NR3C2: variants seen among roughly 807,000 people sequenced by gnomAD.
The protein encoded by NR3C2 is nuclear receptor subfamily 3 group C member 2.
In NR3C2, 15 loss-of-function variants were observed where a neutral mutation model predicts 86.4. The observed-to-expected ratio is 0.17, with a 90% CI of 0.12 to 0.27. The LOEUF (loss-of-function observed/expected upper bound fraction) is 0.27. Ranked by LOEUF, NR3C2 falls within the 10% of genes least tolerant of loss-of-function variation. The pLI is 1.00. For synonymous variants in NR3C2, 458 were observed against 450.5 expected (o/e 1.02, Z -0.21); for missense variants, 960 against 1,195.6 (o/e 0.80, Z 2.91).
intron 2 of NR3C2, among the ~76,000 whole-genome samples, chr4:148,420,814 T>C (rs147159227): frequency 6.6e-6 from 1 of 152,298 alleles, no homozygotes. Flanking sequence ...CAAAAGTGTG[T>C]AGCAGCTCCC....
chr4:148,191,123 GA>G (rs537938403), intron 4 of NR3C2, among the ~76,000 whole-genome samples: 59 of 152,096 alleles, frequency 3.9e-4, no homozygotes, highest in African/African-American at 1.4e-3. Context: ...TGTATTTCCA[GA>G]ATTTGTTTCA....
At chr4:148,138,620 G>A (rs1372483443) in intron 6 of NR3C2, among the ~76,000 whole-genome samples, 2 of 152,190 alleles carry the variant, frequency 1.3e-5, no homozygotes, top group Non-Finnish European at 2.9e-5. Flanking sequence ...CTGAGCTCAA[G>A]CAATCTGCCC....
At chr4:148,302,815 C>T (rs983720525) in intron 2 of NR3C2, among the ~76,000 whole-genome samples, 4 of 144,706 alleles carry the variant, frequency 2.8e-5, no homozygotes, top group African/African-American at 1.0e-4. Context: ...CATTGCACTC[C>T]AGCCTGGGCT....
intron 2 of NR3C2, among the ~76,000 whole-genome samples, chr4:148,402,935 G>C (rs1303494376): frequency 5.9e-5 from 9 of 151,920 alleles, no homozygotes; most frequent in Non-Finnish European, 1.5e-5. Context: ...TGGTTCCTTT[G>C]GTTTTGAGGG....
intron 6 of NR3C2, among the ~76,000 whole-genome samples, chr4:148,149,085 C>T (rs144155677): frequency 5.5e-4 from 84 of 152,140 alleles, no homozygotes; most frequent in African/African-American, 1.9e-3. Flanking sequence ...CAATTGTTTC[C>T]CCAGAATAGT....
intron 6 of NR3C2, among the ~76,000 whole-genome samples, chr4:148,129,560 C>G (rs1000968380): frequency 3.3e-5 from 5 of 152,154 alleles, no homozygotes; most frequent in African/African-American, 4.8e-5. Context: ...AAACAAGAAT[C>G]TCTACAACCC....
At chr4:148,411,455 T>C (rs1404207568) in intron 2 of NR3C2, among the ~76,000 whole-genome samples, 2 of 152,212 alleles carry the variant, frequency 1.3e-5, no homozygotes, top group Non-Finnish European at 2.9e-5. Context: ...TGTCCCTCCC[T>C]CTCCAGGGTC....
At chr4:148,335,490 G>A (rs1744434404) in intron 2 of NR3C2, among the ~76,000 whole-genome samples, 1 of 152,164 alleles carries the variant, frequency 6.6e-6, no homozygotes, top group South Asian at 2.1e-4. Context: ...AAGAACTACT[G>A]TTCAGTCTGG....
chr4:148,370,221 C>T (rs1411267060), intron 2 of NR3C2, among the ~76,000 whole-genome samples: 2 of 152,118 alleles, frequency 1.3e-5, no homozygotes, highest in African/African-American at 4.8e-5. Flanking sequence ...GCCCTAGGAG[C>T]CCCATTACTG....
intron 6 of NR3C2, 106 bp from the exon 7 acceptor site, chr4:148,120,394 T>C: frequency 7.2e-7 from 1 of 1,388,140 alleles, no homozygotes; most frequent in Non-Finnish European, 1.0e-6. Context: ...AATTCTCCTT[T>C]TGGCTTCAAC....
chr4:148,308,858 C>T (rs1190729437), intron 2 of NR3C2, among the ~76,000 whole-genome samples: 2 of 152,124 alleles, frequency 1.3e-5, no homozygotes, highest in Non-Finnish European at 2.9e-5. Context: ...TGGCACATGC[C>T]TGTGGTCCCA....
chr4:148,280,119 A>T (rs922395008), intron 2 of NR3C2, among the ~76,000 whole-genome samples: 4 of 152,234 alleles, frequency 2.6e-5, no homozygotes, highest in African/African-American at 9.6e-5. Flanking sequence ...TAAACTTAAT[A>T]ACAGTAAATA....
chr4:148,216,846 T>A (rs549778883), intron 3 of NR3C2, among the ~76,000 whole-genome samples: 1 of 152,270 alleles, frequency 6.6e-6, no homozygotes, highest in Admixed American at 6.5e-5. Context: ...ACCTAGCTCA[T>A]GATCACAACC....
chr4:148,433,119 C>T (rs1354284919), intron 2 of NR3C2, among the ~76,000 whole-genome samples: 1 of 152,114 alleles, frequency 6.6e-6, no homozygotes, highest in Non-Finnish European at 1.5e-5. Flanking sequence ...TTCATACTAA[C>T]ATGTCTAAGG....
chr4:148,436,137 C>T lies in NR3C2; in HGVS notation c.724G>A (p.Glu242Lys). The T allele has an allele frequency of 6.2e-7, 1 of 1,614,078 alleles. No individual in the cohort carries two copies. The highest frequency in any genetic ancestry group is 8.5e-7 in the Non-Finnish European group (1 of 1,180,020). Residue 242 changes from glutamate to lysine, a missense_variant, in exon 2 of 9, where the codon GAA becomes AAA. Physicochemically the swap from Glu to Lys is moderately conservative, Grantham distance 56 (BLOSUM62 1). Around this residue, in one of 4 missense-constraint regions of NR3C2, gnomAD observed 680 missense variants for 719.0 expected, o/e 0.95. Transcript: ENST00000358102. ...CTGTGCGACCTGGAGCCTCGATTTT[C>T]AACATTAGGGGAGCATGTCAGAGGA... is the stretch of plus-strand genomic sequence containing the variant. ...GTPLTCSPNV[E>K]NRGSRSHSPA...
intron 2 of NR3C2, among the ~76,000 whole-genome samples, chr4:148,390,865 C>T (rs1162039218): frequency 1.3e-5 from 2 of 151,980 alleles, no homozygotes; most frequent in African/African-American, 2.4e-5. Context: ...AGAGTGAAGT[C>T]GGGAATTTAT....
chr4:148,419,279 TAAC>T (rs1749158054), intron 2 of NR3C2, among the ~76,000 whole-genome samples: 1 of 152,164 alleles, frequency 6.6e-6, no homozygotes, highest in Non-Finnish European at 1.5e-5. Flanking sequence ...AGTTATATTT[TAAC>T]AACAACCAAG....
At chr4:148,230,702 C>A (rs1738415580) in intron 3 of NR3C2, among the ~76,000 whole-genome samples, 1 of 152,204 alleles carries the variant, frequency 6.6e-6, no homozygotes, top group Non-Finnish European at 1.5e-5. Flanking sequence ...GCTCTAAATT[C>A]TTCCTCTGTT....
intron 4 of NR3C2, among the ~76,000 whole-genome samples, chr4:148,175,223 G>A (rs1156717031): frequency 6.6e-6 from 1 of 152,064 alleles, no homozygotes; most frequent in Non-Finnish European, 1.5e-5. Flanking sequence ...ACCAATGAAA[G>A]GACCTTCTTA....
Sources: gnomAD v4.1 joint callset for allele counts (sites outside exome capture counted in the v4.1 genomes callset) on GRCh38, gnomAD v4.1.1 for gene constraint, gnomAD v4.1.1 regional missense constraint, MANE v1.5 for transcripts, NCBI Gene and HGNC (gene_info 2026-07-23, HGNC 2026-07-21) for gene names.